The following SLF1 variants were observed in gnomAD, a reference collection of about 807,000 sequenced individuals.
SLF1 encodes the protein SMC5/6 complex localization factor 1, also known as SMC5-SMC6 complex localization factor protein 1.
A neutral mutation model predicts 123.0 loss-of-function variants in SLF1; 105 were observed. The ratio of observed to expected loss-of-function variants is 0.85; its 90% CI spans 0.73 to 1.00. The LOEUF (loss-of-function observed/expected upper bound fraction) is 1.00. SLF1 is among the 50% of genes least tolerant of loss of function. The probability of loss-of-function intolerance (pLI) is 0.00; values close to 1 mark genes in which losing one functional copy is unlikely to be tolerated. For synonymous variants in SLF1, 434 were observed against 406.6 expected, an observed-to-expected ratio of 1.07 and a Z score of -0.81; for missense variants, 1,239 against 1,223.0, an observed-to-expected ratio of 1.01 and a Z score of -0.20.
At chr5:94,685,400 TATA>T (rs1200035260) in intron 15 of SLF1, among the ~76,000 whole-genome samples, 4 of 152,224 alleles carry the variant, frequency 2.6e-5, no homozygotes, top group Non-Finnish European at 4.4e-5. Flanking sequence ...TCCCTTATTG[TATA>T]ATATCACAAC....
chr5:94,635,933 GATATAGCTT>G (rs541883828), intron 4 of SLF1, among the ~76,000 whole-genome samples: 4 of 152,084 alleles, frequency 2.6e-5, no homozygotes, highest in Non-Finnish European at 4.4e-5. Context: ...GTGGCCTTTT[GATATAGCTT>G]AAAGAACTTT....
intron 8 of SLF1, among the ~76,000 whole-genome samples, chr5:94,653,948 T>C (rs1345705708): frequency 1.3e-5 from 2 of 152,078 alleles, no homozygotes; most frequent in Admixed American, 1.3e-4. Context: ...ACGGGGCAGA[T>C]TGCTTGAGCT....
chr5:94,653,854 CT>C (rs11338723), intron 8 of SLF1, among the ~76,000 whole-genome samples: 81,467 of 147,898 alleles, frequency 0.55, 22,324 homozygotes, highest in African/African-American at 0.65. Flanking sequence ...TGGAGTATGA[CT>C]TTTTTTTTTT....
At chr5:94,633,598 A>G (rs1745441544) in intron 4 of SLF1, among the ~76,000 whole-genome samples, 6 of 152,242 alleles carry the variant, frequency 3.9e-5, no homozygotes. Context: ...AATGAAGCAT[A>G]AAATTGCAAA....
At chr5:94,681,619 G>T (rs973547586) in intron 15 of SLF1, among the ~76,000 whole-genome samples, 2 of 151,852 alleles carry the variant, frequency 1.3e-5, no homozygotes, top group African/African-American at 2.4e-5. Flanking sequence ...CTAGCATTAG[G>T]TATATCTCCC....
chr5:94,683,767 CAA>C (rs1285213910), intron 15 of SLF1, among the ~76,000 whole-genome samples: 12 of 152,172 alleles, frequency 7.9e-5, no homozygotes, highest in African/African-American at 2.4e-4. Context: ...GCTATTGAAA[CAA>C]GAGAGTAGCA....
intron 4 of SLF1, among the ~76,000 whole-genome samples, chr5:94,635,663 C>T (rs1255627605): frequency 1.3e-5 from 2 of 151,954 alleles, no homozygotes; most frequent in Non-Finnish European, 2.9e-5. Context: ...CTATGTCAAA[C>T]TGATAACTTT....
At position 94,665,847 on chromosome 5, in the gene SLF1, T is replaced by A. The variant is rs1276292775; in HGVS notation, c.1369-14T>A. On this transcript the variant is annotated splice_polypyrimidine_tract_variant and intron_variant, in intron 11 of 20. Coordinates refer to ENST00000265140, the MANE Select transcript of SLF1 (RefSeq NM_032290.4). ...CTATAGTGTTTTATTTGTTTGTTTA[T>A]TTTTAAATAATAGGATAACATAGAT... 3.3e-6 allele frequency: 5 copies of A among 1,528,978 alleles called. No individual in the cohort carries two copies. Among genetic ancestry groups the A allele is most frequent in the Admixed American group, 4.0e-5 (2 of 50,422 alleles). The allele number at this position is 1,528,978 out of a possible 1,614,324, so 94.7% of individuals were successfully genotyped here.
intron 15 of SLF1, among the ~76,000 whole-genome samples, chr5:94,680,328 G>C (rs372105185): frequency 3.9e-5 from 6 of 151,976 alleles, no homozygotes; most frequent in African/African-American, 1.5e-4. Context: ...GAGCTGAGGG[G>C]GTGATTACAG....
At chr5:94,672,471 A>C (rs1213237921) in intron 14 of SLF1, among the ~76,000 whole-genome samples, 2 of 143,506 alleles carry the variant, frequency 1.4e-5, no homozygotes, top group Non-Finnish European at 1.5e-5. Flanking sequence ...CTCTCCCTCT[A>C]CCATTTCCCC....
chr5:94,628,987 C>A, intron 2 of SLF1, 63 bp downstream of exon 2: 3 of 1,411,480 alleles, frequency 2.1e-6, no homozygotes, highest in Admixed American at 2.2e-5. Context: ...AAATACTGGC[C>A]TAAGAATGAT....
rs1376490914 is a variant in SLF1 at position 94,697,533 on chromosome 5, T to C, written c.*2221T>C. 1 of 151,898 alleles carries C rather than the reference T, an allele frequency of 6.6e-6. No homozygotes were observed. The highest frequency in any genetic ancestry group is 1.5e-5 in the Non-Finnish European group (1 of 67,888). The allele number at this position is 151,898 out of a possible 1,614,324, so 9.4% of individuals were successfully genotyped here. A position where few individuals can be genotyped will look rare whatever the true frequency, so the allele number is the denominator to read the frequency against. On this transcript the variant is annotated 3_prime_UTR_variant, in exon 21 of 21. Transcript: ENST00000265140. ...CTGTATTTTGCCAGATGTGATATCA[T>C]AGTTCTATGGAATCATATTTTTTAA...
At chr5:94,691,518 T>G in intron 18 of SLF1, 46 bp from the exon 19 acceptor site, 3 of 1,490,614 alleles carry the variant, frequency 2.0e-6, no homozygotes, top group Non-Finnish European at 2.8e-6. Flanking sequence ...TTTTTTTAGT[T>G]GATATCTTGT....
intron 9 of SLF1, among the ~76,000 whole-genome samples, chr5:94,655,799 T>A (rs186068104): frequency 6.6e-6 from 1 of 152,158 alleles, no homozygotes; most frequent in East Asian, 1.9e-4. Context: ...GTTAACTTTT[T>A]ATCTCACAGC....
chr5:94,673,326 G>T (rs1750679646), intron 14 of SLF1, among the ~76,000 whole-genome samples: 1 of 151,598 alleles, frequency 6.6e-6, no homozygotes, highest in African/African-American at 2.4e-5. Context: ...TTTTTTTTCT[G>T]AAATGTTTTG....
At chr5:94,619,611 TTTG>T (rs80315633) in intron 1 of SLF1, among the ~76,000 whole-genome samples, 38,316 of 151,902 alleles carry the variant, frequency 0.25, 5,134 homozygotes, top group Non-Finnish European at 0.29. Flanking sequence ...ATTAAAAAAT[TTTG>T]TTGTTGTTGT....
At chr5:94,625,719 G>T (rs1792178181) in intron 1 of SLF1, among the ~76,000 whole-genome samples, 1 of 152,080 alleles carries the variant, frequency 6.6e-6, no homozygotes, top group Admixed American at 6.6e-5. Flanking sequence ...TTGCTTAAAG[G>T]ATTTAAAGAA....
chr5:94,693,978 C>A (rs1347704974), intron 20 of SLF1, among the ~76,000 whole-genome samples: 1 of 151,784 alleles, frequency 6.6e-6, no homozygotes, highest in Non-Finnish European at 1.5e-5. Flanking sequence ...ATAATCAGTT[C>A]TCTCTTTCTG....
intron 15 of SLF1, among the ~76,000 whole-genome samples, chr5:94,685,330 A>G (rs1170406015): frequency 6.6e-6 from 1 of 152,096 alleles, no homozygotes; most frequent in Non-Finnish European, 1.5e-5. Context: ...GCTGTTTATT[A>G]TGTTTACTTT....
Sources: gnomAD v4.1 joint callset for allele counts (sites outside exome capture counted in the v4.1 genomes callset) on GRCh38, gnomAD v4.1.1 for gene constraint, MANE v1.5 for transcripts, NCBI Gene and HGNC (gene_info 2026-07-23, HGNC 2026-07-21) for gene names.